Variants in TTC17 observed in about 807,000 individuals in gnomAD.
TTC17 encodes tetratricopeptide repeat protein 17.
Under a neutral mutation model 143.8 loss-of-function variants are expected in TTC17, and 58 were observed. The ratio of observed to expected loss-of-function variants is 0.40; its 90% CI spans 0.33 to 0.50. The LOEUF (loss-of-function observed/expected upper bound fraction) is 0.50. TTC17 is among the 20% of genes least tolerant of loss of function. The pLI, the probability that TTC17 is intolerant of heterozygous loss-of-function variation, is 0.49. For synonymous variants in TTC17, 501 were observed against 497.8 expected, an observed-to-expected ratio of 1.01 and a Z score of -0.09; for missense variants, 1,273 against 1,392.5, an observed-to-expected ratio of 0.91 and a Z score of 1.37.
chr11:43,493,926 T>C lies in TTC17; in HGVS notation c.*22T>C. ...TTAGTGCACTTCTTCCTTCTCTCTT[T>C]CTCTTTACTCATGCTCTAAAAAAAA... is the stretch of plus-strand genomic sequence containing the variant. On this transcript the variant is annotated 3_prime_UTR_variant, in exon 24 of 24. Transcript: ENST00000039989. 6.4e-7 allele frequency: 1 copy of C among 1,555,304 alleles called. No homozygotes were observed. Among genetic ancestry groups the C allele is most frequent in the Non-Finnish European group, 8.7e-7 (1 of 1,149,768 alleles).
intron 21 of TTC17, among the ~76,000 whole-genome samples, chr11:43,464,279 C>CAAAAA (rs71449848): frequency 1.0e-5 from 1 of 97,344 alleles, no homozygotes. Flanking sequence ...GACTCCATCT[C>CAAAAA]AAAAAAAAAA....
At chr11:43,413,662 AG>A (rs1275427704) in intron 15 of TTC17, among the ~76,000 whole-genome samples, 3 of 151,980 alleles carry the variant, frequency 2.0e-5, no homozygotes, top group Admixed American at 2.0e-4. Flanking sequence ...AGAAAAGAAC[AG>A]GCACTTCAGA....
chr11:43,468,074 A>G (rs1948015672), intron 21 of TTC17: 1 of 152,200 alleles, frequency 6.6e-6, no homozygotes, highest in Non-Finnish European at 1.5e-5. Flanking sequence ...ATTGCCAAAA[A>G]CAAAAGACAG....
At chr11:43,371,402 T>C (rs74435742) in intron 1 of TTC17, among the ~76,000 whole-genome samples, 5,129 of 152,310 alleles carry the variant, frequency 0.034, 108 homozygotes, top group Middle Eastern at 0.078. Flanking sequence ...TCAATTAATT[T>C]GCCAGAGTGG....
intron 16 of TTC17, among the ~76,000 whole-genome samples, chr11:43,440,111 T>C (rs531125160): frequency 1.6e-4 from 24 of 152,356 alleles, no homozygotes; most frequent in African/African-American, 5.5e-4. Context: ...GAGATCTCTC[T>C]ACAATCCAGA....
intron 10 of TTC17, among the ~76,000 whole-genome samples, chr11:43,403,099 C>T (rs539996792): frequency 6.6e-6 from 1 of 152,062 alleles, no homozygotes; most frequent in African/African-American, 2.4e-5. Context: ...CAGATTCACA[C>T]CCTCTGGGAT....
At chr11:43,367,843 C>G (rs766138200) in intron 1 of TTC17, among the ~76,000 whole-genome samples, 1 of 152,040 alleles carries the variant, frequency 6.6e-6, no homozygotes, top group Non-Finnish European at 1.5e-5. Context: ...TCCTTCATCC[C>G]TATAACTCTT....
chr11:43,485,961 A>G (rs1948373616), intron 21 of TTC17, among the ~76,000 whole-genome samples: 2 of 146,068 alleles, frequency 1.4e-5, no homozygotes, highest in Admixed American at 7.1e-5. Flanking sequence ...ACTCTAGACT[A>G]TAACAGGAGA....
intron 21 of TTC17, among the ~76,000 whole-genome samples, chr11:43,482,827 C>G (rs1329408611): frequency 6.6e-6 from 1 of 151,820 alleles, no homozygotes; most frequent in Non-Finnish European, 1.5e-5. Flanking sequence ...TGTAAGTTTT[C>G]GATTTGTGTA....
chr11:43,422,814 G>A (rs541088508), intron 16 of TTC17, among the ~76,000 whole-genome samples: 1 of 152,282 alleles, frequency 6.6e-6, no homozygotes, highest in Admixed American at 6.5e-5. Context: ...AGTGAGGATG[G>A]CAAGCAACTC....
chr11:43,469,235 A>ATG (rs1248388463), intron 21 of TTC17, among the ~76,000 whole-genome samples: 1 of 152,164 alleles, frequency 6.6e-6, no homozygotes, highest in Non-Finnish European at 1.5e-5. Context: ...GTTGGAGAGG[A>ATG]TGTGGAGCAA....
intron 16 of TTC17, among the ~76,000 whole-genome samples, chr11:43,420,700 A>G (rs1002954558): frequency 2.6e-5 from 4 of 152,142 alleles, no homozygotes; most frequent in African/African-American, 9.7e-5. Context: ...CTGATGACCA[A>G]TGGTTTTATA....
At chr11:43,460,201 T>A (rs1947839800) in intron 21 of TTC17, among the ~76,000 whole-genome samples, 1 of 152,166 alleles carries the variant, frequency 6.6e-6, no homozygotes, top group South Asian at 2.1e-4. Context: ...GAAAGTATTT[T>A]CCTCTAAATT....
chr11:43,404,987 C>T (rs1858046418), intron 11 of TTC17, among the ~76,000 whole-genome samples: 1 of 151,876 alleles, frequency 6.6e-6, no homozygotes, highest in Non-Finnish European at 1.5e-5. Flanking sequence ...AAATTAAATA[C>T]AAAGAAAATG....
At chr11:43,487,544 A>G (rs1029289701) in intron 21 of TTC17, among the ~76,000 whole-genome samples, 38 of 152,250 alleles carry the variant, frequency 2.5e-4, no homozygotes, top group African/African-American at 9.2e-4. Context: ...ATTTCTCTGC[A>G]GCAGCATTCC....
chr11:43,436,439 T>C (rs1452735916), intron 16 of TTC17: 1 of 1,067,794 alleles, frequency 9.4e-7, no homozygotes, highest in African/African-American at 1.6e-5. Flanking sequence ...TCTTTAACAA[T>C]CATTATATTG....
At chr11:43,429,688 A>G (rs1216457494) in intron 16 of TTC17, among the ~76,000 whole-genome samples, 2 of 151,812 alleles carry the variant, frequency 1.3e-5, no homozygotes, top group Admixed American at 6.6e-5. Context: ...TGAGCTACCT[A>G]TTTCCAAAAG....
At chr11:43,391,266 G>C (rs1169132646) in intron 3 of TTC17, among the ~76,000 whole-genome samples, 199 bp from the exon 4 acceptor site, 2 of 152,120 alleles carry the variant, frequency 1.3e-5, no homozygotes, top group African/African-American at 4.8e-5. Flanking sequence ...GATTGTGGTG[G>C]TGCATGCCTG....
chr11:43,372,783 G>A (rs561287801), intron 1 of TTC17, among the ~76,000 whole-genome samples: 100 of 152,088 alleles, frequency 6.6e-4, no homozygotes, highest in Admixed American at 1.8e-3. Context: ...GAGCCACTGC[G>A]CCCAGCCAAA....
Sources: gnomAD v4.1 joint callset for allele counts (sites outside exome capture counted in the v4.1 genomes callset) on GRCh38, gnomAD v4.1.1 for gene constraint, MANE v1.5 for transcripts, NCBI Gene and HGNC (gene_info 2026-07-23, HGNC 2026-07-21) for gene names.